The following SYK variants were observed in gnomAD, a reference collection of about 807,000 sequenced individuals.
SYK encodes the protein tyrosine-protein kinase SYK.
SYK carries 16 observed loss-of-function variants against 77.8 expected under a neutral mutation model. The ratio of observed to expected loss-of-function variants is 0.21; its 90% CI spans 0.14 to 0.31. SYK has a LOEUF of 0.31. SYK is among the 10% of genes least tolerant of loss of function. The probability of loss-of-function intolerance (pLI) is 1.00; values close to 1 mark genes in which losing one functional copy is unlikely to be tolerated. For synonymous variants in SYK, 312 were observed against 308.7 expected, an observed-to-expected ratio of 1.01 and a Z score of -0.11; for missense variants, 529 against 814.4, an observed-to-expected ratio of 0.65 and a Z score of 4.26.
At chr9:90,826,444 T>A (rs980022265) in intron 1 of SYK, among the ~76,000 whole-genome samples, 1 of 152,274 alleles carries the variant, frequency 6.6e-6, no homozygotes, top group Non-Finnish European at 1.5e-5. Context: ...ACCTCTTCTG[T>A]GGCTGAAGTT....
At chr9:90,854,241 C>T (rs1300674225) in intron 3 of SYK, among the ~76,000 whole-genome samples, 1 of 152,200 alleles carries the variant, frequency 6.6e-6, no homozygotes, top group Non-Finnish European at 1.5e-5. Flanking sequence ...TGCTCAGCTG[C>T]CCCGAGTGTG....
In SYK at chr9:90,884,855, G is replaced by A. The variant is rs1587918759; in HGVS notation, c.1582-2894G>A. On this transcript the variant is annotated intron_variant, in intron 11 of 13. Transcript: ENST00000375754. ...TGTGTATATACATATACACACATATGTGTGTATATACATATATACATATAT... is the reference window on the plus strand; with the variant it reads ...TGTGTATATACATATACACACATATATGTGTATATACATATATACATATAT... Among the ~76,000 whole-genome samples the A allele has an allele frequency of 6.5e-5, 4 of 61,154 alleles. 1 individual carries two copies. Among genetic ancestry groups the A allele is most frequent in the Admixed American group, 6.4e-4 (4 of 6,296 alleles). The allele number at this position is 61,154 out of a possible 152,430, so 40.1% of individuals were successfully genotyped here. A position where few individuals can be genotyped will look rare whatever the true frequency, so the allele number is the denominator to read the frequency against.
At chr9:90,877,121 CTCACT>C (rs1827966592) in intron 9 of SYK, among the ~76,000 whole-genome samples, 1 of 152,166 alleles carries the variant, frequency 6.6e-6, no homozygotes, top group Admixed American at 6.5e-5. Flanking sequence ...TGGCAAGAAG[CTCACT>C]GCAGCCTTGA....
intron 1 of SYK, among the ~76,000 whole-genome samples, chr9:90,816,012 A>T (rs79875074): frequency 6.6e-6 from 1 of 152,212 alleles, no homozygotes; most frequent in African/African-American, 2.4e-5. Context: ...CCTAACCTGC[A>T]GCTGAAATGC....
intron 7 of SYK, among the ~76,000 whole-genome samples, chr9:90,872,091 A>G (rs1007293928): frequency 2.2e-4 from 33 of 152,328 alleles, no homozygotes; most frequent in Non-Finnish European, 2.6e-4. Flanking sequence ...CCCTTTCAGC[A>G]TATTTTGACA....
At chr9:90,863,333 G>C (rs1807775903) in intron 4 of SYK, among the ~76,000 whole-genome samples, 1 of 152,144 alleles carries the variant, frequency 6.6e-6, no homozygotes, top group African/African-American at 2.4e-5. Flanking sequence ...ATCAGGGCGT[G>C]TTCCAATGTC....
Position 90,896,186 on chromosome 9 carries a change from T to C in SYK, c.*586T>C, listed in dbSNP as rs1287276898. The C allele has an allele frequency of 1.3e-5, 3 of 232,342 alleles. No homozygotes were observed. The highest frequency in any genetic ancestry group is 4.4e-5 in the African/African-American group (2 of 45,086). 14.4% of individuals were successfully genotyped at this position (232,342 alleles called of 1,614,324 possible). A position where few individuals can be genotyped will look rare whatever the true frequency, so the allele number is the denominator to read the frequency against. ...GTGCAGTTTCTAAGCATGTAGCCAG[T>C]TAAGGAAAGAAAGAAAGAAAAAAAA... is the stretch of plus-strand genomic sequence containing the variant. On this transcript the variant is annotated 3_prime_UTR_variant, in exon 14 of 14. Coordinates refer to ENST00000375754, the MANE Select transcript of SYK (RefSeq NM_003177.7).
At chr9:90,825,770 T>C (rs536862853) in intron 1 of SYK, among the ~76,000 whole-genome samples, 2 of 152,254 alleles carry the variant, frequency 1.3e-5, no homozygotes, top group African/African-American at 2.4e-5. Flanking sequence ...AAGGATGTTA[T>C]GTGGTTTTGG....
chr9:90,891,132 A>T (rs1271336320), intron 13 of SYK, among the ~76,000 whole-genome samples: 1 of 140,802 alleles, frequency 7.1e-6, no homozygotes, highest in African/African-American at 2.6e-5. Context: ...GGCCGACGCC[A>T]TGTTGCCTGC....
intron 3 of SYK, 106 bp downstream of exon 3, chr9:90,845,700 C>A: frequency 7.7e-7 from 1 of 1,297,250 alleles, no homozygotes; most frequent in Non-Finnish European, 1.1e-6. Context: ...TGGGAAGAGG[C>A]CATGCATTGC....
chr9:90,842,637 G>A (rs1051245669), intron 1 of SYK, among the ~76,000 whole-genome samples: 1 of 151,140 alleles, frequency 6.6e-6, no homozygotes, highest in Non-Finnish European at 1.5e-5. Context: ...TATGTAGTTT[G>A]TGTGTTTGGT....
At chr9:90,848,197 C>T (rs748034340) in intron 3 of SYK, among the ~76,000 whole-genome samples, 14 of 152,178 alleles carry the variant, frequency 9.2e-5, no homozygotes, top group Non-Finnish European at 2.1e-4. Flanking sequence ...CAACGTCTCC[C>T]AAGTCCAGGT....
In SYK at chr9:90,848,393, T is replaced by C. The variant is rs149504220; in HGVS notation, c.578+2799T>C. Among the ~76,000 whole-genome samples, 132 of 152,354 alleles carry C rather than the reference T, an allele frequency of 8.7e-4. 1 individual carries two copies. The East Asian group carries it at 0.023, about 27-fold the overall frequency. ...TGGGAGTCTGTCCTATATTCCCCTG[T>C]TGGGTCAGGCCAACGTTGCAGGAAG... On this transcript the variant is annotated intron_variant, in intron 3 of 13. Coordinates refer to ENST00000375754, the MANE Select transcript of SYK (RefSeq NM_003177.7).
At chr9:90,839,750 G>A (rs1296795474) in intron 1 of SYK, among the ~76,000 whole-genome samples, 1 of 152,202 alleles carries the variant, frequency 6.6e-6, no homozygotes, top group African/African-American at 2.4e-5. Flanking sequence ...AGTAACCTGG[G>A]CCCTGCAGAG....
intron 3 of SYK, among the ~76,000 whole-genome samples, chr9:90,846,641 A>G (rs997619894): frequency 6.6e-6 from 1 of 150,434 alleles, no homozygotes; most frequent in African/African-American, 2.4e-5. Flanking sequence ...TGGGCAACAT[A>G]GTGAGGCCCT....
At chr9:90,889,229 G>A (rs1175647126) in intron 13 of SYK, among the ~76,000 whole-genome samples, 1 of 152,236 alleles carries the variant, frequency 6.6e-6, no homozygotes, top group East Asian at 1.9e-4. Flanking sequence ...AGCTCAGCAA[G>A]GAAGGAAAAT....
intron 3 of SYK, among the ~76,000 whole-genome samples, chr9:90,855,929 A>G (rs1018002121): frequency 2.6e-5 from 4 of 152,210 alleles, no homozygotes; most frequent in East Asian, 3.8e-4. Flanking sequence ...TGGATTAACA[A>G]CTATGATCAT....
At chr9:90,828,388 A>T (rs1327642933) in intron 1 of SYK, among the ~76,000 whole-genome samples, 1 of 152,152 alleles carries the variant, frequency 6.6e-6, no homozygotes, top group East Asian at 1.9e-4. Context: ...AGTAAGATCT[A>T]TCAGGCATAT....
In SYK at chr9:90,884,488, T is replaced by TATGTGTACATGTACATACACAC. The variant is rs1564121290; in HGVS notation, c.1582-3260_1582-3259insTGTGTACATGTACATACACACA. ...GTGTGTACATATACATACACACACATACACATATGTGTACATGTACATACA... is the reference window on the plus strand; with the variant it reads ...GTGTGTACATATACATACACACACATATGTGTACATGTACATACACACACACATATGTGTACATGTACATACA... On this transcript the variant is annotated intron_variant, in intron 11 of 13. Transcript: ENST00000375754. Among the ~76,000 whole-genome samples the TATGTGTACATGTACATACACAC allele has an allele frequency of 1.8e-3, 164 of 90,102 alleles. 62 individuals are homozygous for TATGTGTACATGTACATACACAC. Among genetic ancestry groups the TATGTGTACATGTACATACACAC allele is most frequent in the African/African-American group, 7.2e-3 (159 of 22,136 alleles). 59.1% of individuals were successfully genotyped at this position (90,102 alleles called of 152,430 possible). A position where few individuals can be genotyped will look rare whatever the true frequency, so the allele number is the denominator to read the frequency against.
Sources: gnomAD v4.1 joint callset for allele counts (sites outside exome capture counted in the v4.1 genomes callset) on GRCh38, gnomAD v4.1.1 for gene constraint, MANE v1.5 for transcripts, NCBI Gene and HGNC (gene_info 2026-07-23, HGNC 2026-07-21) for gene names.